The following DAB1 variants were observed in gnomAD, a reference collection of about 807,000 sequenced individuals.
DAB1 encodes disabled homolog 1.
A neutral mutation model predicts 64.6 loss-of-function variants in DAB1; 15 were observed. The observed-to-expected ratio is 0.23, with a 90% CI of 0.16 to 0.36. The LOEUF is 0.36. DAB1 is among the 10% of genes least tolerant of loss of function. DAB1 has a pLI of 1.00. For synonymous variants in DAB1, 235 were observed against 251.9 expected, an observed-to-expected ratio of 0.93 and a Z score of 0.64; for missense variants, 596 against 706.7, an observed-to-expected ratio of 0.84 and a Z score of 1.78.
At chr1:57,128,440 A>T (rs1389163638) in intron 4 of DAB1, among the ~76,000 whole-genome samples, 7 of 152,138 alleles carry the variant, frequency 4.6e-5, no homozygotes, top group Non-Finnish European at 1.0e-4. Flanking sequence ...TATTTTTACA[A>T]ATAAAGTTTT....
upstream of DAB1, among the ~76,000 whole-genome samples, chr1:57,427,852 A>G (rs1056234094): frequency 6.6e-6 from 1 of 152,228 alleles, no homozygotes; most frequent in African/African-American, 2.4e-5. Context: ...AATTTTGTGC[A>G]TGTGATAAGA....
chr1:58,529,941 C>T (rs1251115489), intron 1 of DAB1, among the ~76,000 whole-genome samples: 2 of 151,986 alleles, frequency 1.3e-5, no homozygotes, highest in East Asian at 1.9e-4. Flanking sequence ...AGTGCAGTGG[C>T]GCAATCTCGG....
intron 5 of DAB1, among the ~76,000 whole-genome samples, chr1:58,114,894 T>C (rs1271287875): frequency 6.6e-6 from 1 of 152,184 alleles, no homozygotes; most frequent in African/African-American, 2.4e-5. Flanking sequence ...CCGCCCATCA[T>C]TTGTTAAAAA....
At chr1:58,013,446 G>A (rs950563537) in intron 5 of DAB1, among the ~76,000 whole-genome samples, 2 of 151,950 alleles carry the variant, frequency 1.3e-5, no homozygotes, top group Non-Finnish European at 2.9e-5. Flanking sequence ...AGCAGGGGGC[G>A]CCTGAGCCAC....
At chr1:58,234,206 G>A (rs566299756) in intron 4 of DAB1, among the ~76,000 whole-genome samples, 2 of 152,194 alleles carry the variant, frequency 1.3e-5, no homozygotes, top group Non-Finnish European at 2.9e-5. Context: ...CCGTGACACT[G>A]ATCCAATCCT....
At chr1:57,640,290 G>T (rs1042241804) in intron 7 of DAB1, among the ~76,000 whole-genome samples, 1 of 152,134 alleles carries the variant, frequency 6.6e-6, no homozygotes, top group African/African-American at 2.4e-5. Flanking sequence ...TAGTTGAGGG[G>T]TATGTTTCCA....
rs1170950120 is a variant in DAB1, at chr1:58,074,558, A to ATATACATATATATGTGTG, written n.387+75952_387+75953insCACACATATATATGTATA. ...TATATATATATACACACATATATAT[A>ATATACATATATATGTGTG]TGTGTGTATATATATATATATATAT... is the stretch of plus-strand genomic sequence containing the variant. On this transcript the variant is annotated intron_variant and non_coding_transcript_variant, in intron 5 of 20. Coordinates refer to the DAB1 transcript ENST00000485760. The ATATACATATATATGTGTG allele has an allele frequency of 9.8e-3, 561 of 57,288 alleles. 11 individuals are homozygous for ATATACATATATATGTGTG. Among genetic ancestry groups the ATATACATATATATGTGTG allele is most frequent in the Admixed American group, 0.025 (105 of 4,198 alleles). The allele number at this position is 57,288 out of a possible 1,614,324, so 3.5% of individuals were successfully genotyped here.
At chr1:58,109,388 G>A (rs1407801604) in intron 5 of DAB1, among the ~76,000 whole-genome samples, 1 of 152,138 alleles carries the variant, frequency 6.6e-6, no homozygotes, top group African/African-American at 2.4e-5. Context: ...ACTTAAACAA[G>A]TAGCAGGATT....
intron 7 of DAB1, among the ~76,000 whole-genome samples, chr1:57,544,471 T>G (rs1395370958): frequency 6.6e-6 from 1 of 152,246 alleles, no homozygotes; most frequent in Non-Finnish European, 1.5e-5. Flanking sequence ...CTGTACTTTC[T>G]GATACATACT....
chr1:58,220,872 T>C (rs201076213), intron 4 of DAB1, among the ~76,000 whole-genome samples: 3,664 of 146,804 alleles, frequency 0.025, 125 homozygotes, highest in African/African-American at 0.085. Context: ...TATACATATA[T>C]ACACACACAC....
chr1:57,684,186 G>A (rs895729134), intron 6 of DAB1, among the ~76,000 whole-genome samples: 1 of 152,084 alleles, frequency 6.6e-6, no homozygotes, highest in African/African-American at 2.4e-5. Flanking sequence ...AAGCAACTTG[G>A]AAAATACAAG....
chr1:57,439,962 T>A (rs941559667), intron 7 of DAB1, among the ~76,000 whole-genome samples: 10 of 152,162 alleles, frequency 6.6e-5, no homozygotes, highest in Non-Finnish European at 1.3e-4. Flanking sequence ...CATCTTATGA[T>A]GTTCTTCCAA....
At chr1:57,595,522 T>C (rs1645497763) in intron 7 of DAB1, among the ~76,000 whole-genome samples, 1 of 152,108 alleles carries the variant, frequency 6.6e-6, no homozygotes, top group East Asian at 1.9e-4. Context: ...GTGGGATAAT[T>C]TGTCCAGGGT....
intron 7 of DAB1, among the ~76,000 whole-genome samples, chr1:57,579,120 G>A (rs1249756415): frequency 1.3e-5 from 2 of 152,222 alleles, no homozygotes; most frequent in African/African-American, 4.8e-5. Context: ...CCTGAAACTT[G>A]TGGGCTGCTG....
chr1:57,899,378 G>A (rs557545449), intron 5 of DAB1, among the ~76,000 whole-genome samples: 53 of 152,224 alleles, frequency 3.5e-4, no homozygotes, highest in African/African-American at 1.3e-3. Flanking sequence ...TGTTAGATGT[G>A]GAAGCCCTCA....
chr1:57,817,589 CTCAGGCAACACTCAATG>C (rs1468079449), intron 6 of DAB1, among the ~76,000 whole-genome samples: 10 of 152,312 alleles, frequency 6.6e-5, no homozygotes, highest in African/African-American at 2.4e-4. Context: ...TGGAGGGCTC[CTCAGGCAACACTCAATG>C]TCAGGCAACA....
Position 58,436,341 on chromosome 1 carries a change from A to G in DAB1, n.257+69719T>C, listed in dbSNP as rs530797199. ...ATTGGAGCTTTGGAGGAGAGTGAAG[A>G]GAGATAAGGAAATATCCCCTATCCT... On this transcript the variant is annotated intron_variant and non_coding_transcript_variant, in intron 3 of 20. Transcript: ENST00000485760. 5.9e-5 allele frequency among the ~76,000 whole-genome samples: 9 copies of G among 152,352 alleles called. No homozygotes were observed. The East Asian group carries it at 1.7e-3, about 29-fold the overall frequency.
At chr1:58,226,471 G>A (rs371974114) in intron 4 of DAB1, among the ~76,000 whole-genome samples, 28 of 151,918 alleles carry the variant, frequency 1.8e-4, no homozygotes, top group East Asian at 1.7e-3. Context: ...AGGGCTCGAG[G>A]TGGGTGTGTA....
At chr1:57,107,061 G>A (rs1261801543) in intron 4 of DAB1, among the ~76,000 whole-genome samples, 1 of 151,956 alleles carries the variant, frequency 6.6e-6, no homozygotes, top group South Asian at 2.1e-4. Flanking sequence ...TACGTAAAAA[G>A]ATTTCCCCAA....
Sources: gnomAD v4.1 joint callset for allele counts (sites outside exome capture counted in the v4.1 genomes callset) on GRCh38, gnomAD v4.1.1 for gene constraint, MANE v1.5 for transcripts, NCBI Gene and HGNC (gene_info 2026-07-23, HGNC 2026-07-21) for gene names.